UNC5D: variants seen among roughly 807,000 people sequenced by gnomAD.
The protein encoded by UNC5D is unc-5 netrin receptor D.
A neutral mutation model predicts 105.4 loss-of-function variants in UNC5D; 39 were observed. That is an observed-to-expected ratio of 0.37 (90% CI 0.29 to 0.48). The LOEUF is 0.48. Ranked by LOEUF, UNC5D falls within the 20% of genes least tolerant of loss-of-function variation. UNC5D has a pLI of 0.98. For missense variants in UNC5D, 991 were observed against 1,202.4 expected (o/e 0.82, Z 2.60); for synonymous variants, 452 against 450.4 (o/e 1.00, Z -0.04).
At chr8:35,615,833 G>A (rs1330047613) in intron 4 of UNC5D, among the ~76,000 whole-genome samples, 1 of 152,150 alleles carries the variant, frequency 6.6e-6, no homozygotes, top group Non-Finnish European at 1.5e-5. Context: ...GAGCATATGT[G>A]ACTCAGAGGA....
At chr8:35,498,079 C>CAAAAAAAAAAA (rs141361517) in intron 1 of UNC5D, among the ~76,000 whole-genome samples, 9 of 59,472 alleles carry the variant, frequency 1.5e-4, no homozygotes, top group African/African-American at 3.5e-4. Context: ...CAAAACAAAA[C>CAAAAAAAAAAA]AAAACAAAAA....
intron 1 of UNC5D, among the ~76,000 whole-genome samples, chr8:35,449,849 A>G (rs1808032101): frequency 1.3e-5 from 2 of 152,100 alleles, no homozygotes; most frequent in African/African-American, 4.8e-5. Flanking sequence ...ATTGATTACT[A>G]TGTGCCGCCT....
intron 1 of UNC5D, among the ~76,000 whole-genome samples, chr8:35,338,932 T>C (rs1428501547): frequency 6.6e-6 from 1 of 151,582 alleles, no homozygotes; most frequent in African/African-American, 2.4e-5. Flanking sequence ...GTATGTACCT[T>C]GGGGCTGCTG....
At chr8:35,532,286 TA>T (rs1814448119) in intron 1 of UNC5D, among the ~76,000 whole-genome samples, 1 of 151,720 alleles carries the variant, frequency 6.6e-6, no homozygotes, top group East Asian at 1.9e-4. Context: ...TGAAGTATTT[TA>T]TTTCTCCTTC....
chr8:35,579,615 A>G (rs1035035804), intron 3 of UNC5D, among the ~76,000 whole-genome samples: 1 of 152,198 alleles, frequency 6.6e-6, no homozygotes, highest in Non-Finnish European at 1.5e-5. Flanking sequence ...GAGTCCATCC[A>G]TCCAGGATGG....
At chr8:35,630,187 T>G (rs1821950380) in intron 4 of UNC5D, among the ~76,000 whole-genome samples, 1 of 152,220 alleles carries the variant, frequency 6.6e-6, no homozygotes, top group Admixed American at 6.5e-5. Context: ...CTTTACTTCT[T>G]GTAAGAAATG....
intron 1 of UNC5D, among the ~76,000 whole-genome samples, chr8:35,366,214 T>C (rs545397816): frequency 5.3e-5 from 8 of 152,232 alleles, no homozygotes; most frequent in Admixed American, 4.6e-4. Context: ...TTGGAGTGTT[T>C]GAGGGCACAT....
chr8:35,551,437 G>A (rs1816132796), intron 2 of UNC5D, among the ~76,000 whole-genome samples: 1 of 152,100 alleles, frequency 6.6e-6, no homozygotes, highest in African/African-American at 2.4e-5. Flanking sequence ...TAGAGAGGAA[G>A]GGTCAACTAG....
intron 4 of UNC5D, among the ~76,000 whole-genome samples, chr8:35,648,767 A>G (rs1378224209): frequency 6.6e-6 from 1 of 151,932 alleles, no homozygotes; most frequent in Non-Finnish European, 1.5e-5. Flanking sequence ...AACAAAATTT[A>G]AAGTGGCTAC....
At chr8:35,653,767 TC>T (rs1435209103) in intron 4 of UNC5D, among the ~76,000 whole-genome samples, 1 of 152,254 alleles carries the variant, frequency 6.6e-6, no homozygotes, top group Non-Finnish European at 1.5e-5. Flanking sequence ...TTTCAGTCTT[TC>T]CCAGTCATTT....
intron 1 of UNC5D, among the ~76,000 whole-genome samples, chr8:35,479,176 A>G (rs1810314101): frequency 1.3e-5 from 2 of 152,168 alleles, no homozygotes; most frequent in Non-Finnish European, 2.9e-5. Context: ...TGAGCCTACT[A>G]TGTCTCAAGC....
chr8:35,719,570 C>A (rs941674429), intron 8 of UNC5D, among the ~76,000 whole-genome samples: 1 of 152,058 alleles, frequency 6.6e-6, no homozygotes, highest in Non-Finnish European at 1.5e-5. Flanking sequence ...CTTGAAGTAC[C>A]CAGATCTCAT....
At chr8:35,434,627 T>C (rs1304069817) in intron 1 of UNC5D, among the ~76,000 whole-genome samples, 2 of 152,116 alleles carry the variant, frequency 1.3e-5, no homozygotes, top group African/African-American at 4.8e-5. Context: ...TCTCTTATTA[T>C]AAATCAAGAT....
At chr8:35,532,324 A>G (rs1008123111) in intron 1 of UNC5D, among the ~76,000 whole-genome samples, 10 of 151,012 alleles carry the variant, frequency 6.6e-5, no homozygotes, top group African/African-American at 2.4e-4. Context: ...TTGGCTGGAT[A>G]TGAAATTCTG....
chr8:35,633,897 G>C (rs79814213), intron 4 of UNC5D, among the ~76,000 whole-genome samples: 2 of 152,146 alleles, frequency 1.3e-5, no homozygotes, highest in Non-Finnish European at 1.5e-5. Flanking sequence ...ACTTACCCAA[G>C]AATCCTATCT....
chr8:35,498,687 T>C (rs200451045), intron 1 of UNC5D, among the ~76,000 whole-genome samples: 6 of 152,114 alleles, frequency 3.9e-5, no homozygotes, highest in Admixed American at 2.0e-4. Context: ...TGGCTGGAGG[T>C]TGGCTGAATT....
chr8:35,343,263 A>C (rs1327076124), intron 1 of UNC5D, among the ~76,000 whole-genome samples: 1 of 152,072 alleles, frequency 6.6e-6, no homozygotes, highest in Non-Finnish European at 1.5e-5. Flanking sequence ...TGTATAATAG[A>C]ATGAAAAGAA....
intron 1 of UNC5D, among the ~76,000 whole-genome samples, chr8:35,268,777 G>C (rs1805069377): frequency 6.6e-6 from 1 of 152,114 alleles, no homozygotes; most frequent in African/African-American, 2.4e-5. Flanking sequence ...AAATGATACT[G>C]TTTATCTCTG....
intron 7 of UNC5D, among the ~76,000 whole-genome samples, chr8:35,693,880 T>C (rs1294704220): frequency 1.3e-5 from 2 of 152,134 alleles, no homozygotes; most frequent in African/African-American, 4.8e-5. Context: ...CTTTGTTCAT[T>C]TTATGAGAGA....
Sources: gnomAD v4.1 joint callset for allele counts (sites outside exome capture counted in the v4.1 genomes callset) on GRCh38, gnomAD v4.1.1 for gene constraint, MANE v1.5 for transcripts, NCBI Gene and HGNC (gene_info 2026-07-23, HGNC 2026-07-21) for gene names.